NUS1: variants seen among roughly 807,000 people sequenced by gnomAD.
NUS1 encodes dehydrodolichyl diphosphate synthase complex subunit NUS1.
For synonymous variants in NUS1, 135 were observed against 155.2 expected (o/e 0.87, Z 0.97); for missense variants, 292 against 382.9 (o/e 0.76, Z 1.98).
intron 4 of NUS1, 136 bp downstream of exon 4, chr6:117,703,840 C>A (rs1773462968): frequency 1.5e-6 from 1 of 678,850 alleles, no homozygotes. Context: ...CACAGTACCA[C>A]TGGTAAAATA....
At chr6:117,691,687 ATATT>A (rs150204140) in intron 1 of NUS1, among the ~76,000 whole-genome samples, 5,648 of 148,004 alleles carry the variant, frequency 0.038, 376 homozygotes, top group African/African-American at 0.13. Flanking sequence ...ATTGATTTAT[ATATT>A]TAATTATATA....
intron 4 of NUS1, among the ~76,000 whole-genome samples, chr6:117,703,940 G>A (rs1472053338): frequency 6.6e-6 from 1 of 152,162 alleles, no homozygotes; most frequent in African/African-American, 2.4e-5. Context: ...GATCAGGAGT[G>A]AGAGATAACT....
intron 1 of NUS1, among the ~76,000 whole-genome samples, chr6:117,690,837 C>CA (rs1773205629): frequency 6.6e-6 from 1 of 151,932 alleles, no homozygotes; most frequent in Non-Finnish European, 1.5e-5. Flanking sequence ...TAAAAAAATA[C>CA]AAAAAATTAG....
intron 1 of NUS1, among the ~76,000 whole-genome samples, chr6:117,677,582 C>A (rs965858531): frequency 2.0e-5 from 3 of 152,150 alleles, no homozygotes; most frequent in Non-Finnish European, 4.4e-5. Flanking sequence ...AATTTAAGTG[C>A]AGGGTTTTGT....
chr6:117,682,809 C>T (rs1283381332), intron 1 of NUS1, among the ~76,000 whole-genome samples: 3 of 152,148 alleles, frequency 2.0e-5, no homozygotes, highest in African/African-American at 7.2e-5. Flanking sequence ...TTAACCGTTA[C>T]ATTATTTTGA....
At chr6:117,697,491 A>G (rs901983421) in intron 3 of NUS1, among the ~76,000 whole-genome samples, 3 of 152,126 alleles carry the variant, frequency 2.0e-5, no homozygotes, top group Non-Finnish European at 4.4e-5. Context: ...AAACCCAAAA[A>G]GAGCAGGAGT....
At position 117,707,980 on chromosome 6, in the gene NUS1, A is replaced by G. The variant is rs1242008213; in HGVS notation, c.*965A>G. On this transcript the variant is annotated 3_prime_UTR_variant, in exon 5 of 5. Coordinates refer to ENST00000368494, the MANE Select transcript of NUS1 (RefSeq NM_138459.5). Reference sequence around the variant, plus strand: ...GTTCTTTTAAAAAATATTTCCATCAACCATTTTTATTTAAAATAAACATTT... The same window carrying G: ...GTTCTTTTAAAAAATATTTCCATCAGCCATTTTTATTTAAAATAAACATTT... 2 of 152,090 alleles carry G rather than the reference A, an allele frequency of 1.3e-5. No individual in the cohort carries two copies. Among genetic ancestry groups the G allele is most frequent in the East Asian group, 3.9e-4 (2 of 5,178 alleles). 9.4% of individuals were successfully genotyped at this position (152,090 alleles called of 1,614,324 possible). A position where few individuals can be genotyped will look rare whatever the true frequency, so the allele number is the denominator to read the frequency against.
chr6:117,695,151 A>G lies in NUS1; in HGVS notation c.691+971A>G, dbSNP rs1773297644. On this transcript the variant is annotated intron_variant, in intron 3 of 4. Transcript: ENST00000368494. ...AGAGGTTGCAGTGAGCCAAGATCGC[A>G]TCAGTACACTCTAGCCTGGGTGACG... is the stretch of plus-strand genomic sequence containing the variant. Among the ~76,000 whole-genome samples the G allele has an allele frequency of 1.4e-5, 2 of 138,754 alleles. 1 individual carries two copies. Among genetic ancestry groups the G allele is most frequent in the African/African-American group, 5.3e-5 (2 of 37,798 alleles). 91.0% of individuals were successfully genotyped at this position (138,754 alleles called of 152,430 possible). A position where few individuals can be genotyped will look rare whatever the true frequency, so the allele number is the denominator to read the frequency against.
At position 117,708,130 on chromosome 6, in the gene NUS1, TA is replaced by T. The variant is rs1582479440; in HGVS notation, c.*1119del. On this transcript the variant is annotated 3_prime_UTR_variant, in exon 5 of 5. Coordinates refer to ENST00000368494, the MANE Select transcript of NUS1 (RefSeq NM_138459.5). ...AGTAAATCCTGATGGTTACTGTGTG[TA>T]AAATATCTTTAAGTAGGATTGAAGG... 6.5e-6 allele frequency: 1 copy of T among 152,674 alleles called. No homozygotes were observed. The highest frequency in any genetic ancestry group is 2.1e-4 in the South Asian group (1 of 4,830). 9.5% of individuals were successfully genotyped at this position (152,674 alleles called of 1,614,324 possible).
At chr6:117,685,859 T>G (rs1773129381) in intron 1 of NUS1, among the ~76,000 whole-genome samples, 1 of 151,928 alleles carries the variant, frequency 6.6e-6, no homozygotes, top group South Asian at 2.1e-4. Context: ...TAAAAAGAGC[T>G]CTGGAGTCAG....
At chr6:117,695,381 T>A (rs1773305270) in intron 3 of NUS1, among the ~76,000 whole-genome samples, 1 of 152,152 alleles carries the variant, frequency 6.6e-6, no homozygotes, top group South Asian at 2.1e-4. Flanking sequence ...TACCCTACCC[T>A]GTCATTGCCT....
intron 3 of NUS1, among the ~76,000 whole-genome samples, chr6:117,696,518 G>A (rs1773322683): frequency 1.3e-5 from 2 of 151,778 alleles, no homozygotes; most frequent in Admixed American, 1.3e-4. Flanking sequence ...GATCCTAAAA[G>A]CAACAAGAGA....
At chr6:117,687,697 T>G (rs1004135067) in intron 1 of NUS1, among the ~76,000 whole-genome samples, 1 of 152,160 alleles carries the variant, frequency 6.6e-6, no homozygotes, top group Non-Finnish European at 1.5e-5. Context: ...GGATAAAGTA[T>G]TACTGGGAAA....
chr6:117,686,852 ATGTGTGTGTGTGTG>A lies in NUS1; in HGVS notation c.416-6156_416-6143del, dbSNP rs56080181. 5.7e-3 allele frequency among the ~76,000 whole-genome samples: 792 copies of A among 139,392 alleles called. 1 individual carries two copies. Among genetic ancestry groups the A allele is most frequent in the Admixed American group, 8.9e-3 (126 of 14,172 alleles). The allele number at this position is 139,392 out of a possible 152,430, so 91.4% of individuals were successfully genotyped here. A position where few individuals can be genotyped will look rare whatever the true frequency, so the allele number is the denominator to read the frequency against. ...TTCTTGTGTATCATGTGAAGTGTGTATGTGTGTGTGTGTGTGTGTGTGTGTGTGTGTGTGTGTGT... is the reference window on the plus strand; with the variant it reads ...TTCTTGTGTATCATGTGAAGTGTGTATGTGTGTGTGTGTGTGTGTGTGTGT... On this transcript the variant is annotated intron_variant, in intron 1 of 4. Coordinates refer to ENST00000368494, the MANE Select transcript of NUS1 (RefSeq NM_138459.5).
At chr6:117,700,622 C>G (rs922911429) in intron 3 of NUS1, among the ~76,000 whole-genome samples, 1 of 152,120 alleles carries the variant, frequency 6.6e-6, no homozygotes, top group Non-Finnish European at 1.5e-5. Context: ...AATCCCACTG[C>G]TAGGTACATA....
chr6:117,709,808 T>C lies in NUS1; in HGVS notation c.*2793T>C, dbSNP rs1582480359. Reference sequence around the variant, plus strand: ...AACAAAAACCAATAAAAGAATATACTCTTTTCATTGACTATAGTATTATGT... The same window carrying C: ...AACAAAAACCAATAAAAGAATATACCCTTTTCATTGACTATAGTATTATGT... On this transcript the variant is annotated 3_prime_UTR_variant, in exon 5 of 5. Coordinates refer to ENST00000368494, the MANE Select transcript of NUS1 (RefSeq NM_138459.5). The C allele has an allele frequency of 6.6e-6, 1 of 152,594 alleles. No individual in the cohort carries two copies. The highest frequency in any genetic ancestry group is 1.9e-4 in the East Asian group (1 of 5,204). The allele number at this position is 152,594 out of a possible 1,614,324, so 9.5% of individuals were successfully genotyped here.
intron 3 of NUS1, among the ~76,000 whole-genome samples, chr6:117,701,346 G>T (rs531732027): frequency 6.7e-6 from 1 of 150,188 alleles, no homozygotes; most frequent in African/African-American, 2.5e-5. Context: ...CCGGGTTTAC[G>T]CCATTCTCCT....
At chr6:117,684,767 T>A (rs989764292) in intron 1 of NUS1, among the ~76,000 whole-genome samples, 2 of 152,122 alleles carry the variant, frequency 1.3e-5, no homozygotes, top group Admixed American at 6.5e-5. Context: ...ATAATAGCAA[T>A]CACCTGGGGA....
At chr6:117,679,942 C>T (rs1773036546) in intron 1 of NUS1, among the ~76,000 whole-genome samples, 1 of 152,124 alleles carries the variant, frequency 6.6e-6, no homozygotes, top group Non-Finnish European at 1.5e-5. Context: ...GGACGGGCAG[C>T]CACTTTGAAG....
Sources: allele counts gnomAD v4.1 joint callset (sites outside exome capture counted in the v4.1 genomes callset), GRCh38; gene constraint gnomAD v4.1.1; transcripts MANE v1.5; gene names NCBI Gene and HGNC (gene_info 2026-07-23, HGNC 2026-07-21).